OSBPL10: variants seen among roughly 807,000 people sequenced by gnomAD.
OSBPL10 encodes the protein oxysterol binding protein like 10, also known as oxysterol-binding protein-related protein 10.
A neutral mutation model predicts 81.7 loss-of-function variants in OSBPL10; 49 were observed. The observed-to-expected ratio is 0.60, with a 90% confidence interval of 0.48 to 0.76. The LOEUF is 0.76. Ranked by LOEUF, OSBPL10 falls within the 30% of genes least tolerant of loss-of-function variation. The pLI, the probability that OSBPL10 is intolerant of heterozygous loss-of-function variation, is 0.00. For synonymous variants in OSBPL10, 419 were observed against 383.6 expected (o/e 1.09, Z -1.08); for missense variants, 923 against 987.8 (o/e 0.93, Z 0.88).
At chr3:31,667,631 C>T (rs916615999) in intron 10 of OSBPL10, among the ~76,000 whole-genome samples, 14 of 152,178 alleles carry the variant, frequency 9.2e-5, no homozygotes, top group African/African-American at 3.1e-4. Context: ...TAGATTAGAG[C>T]AGCAGTTGGC....
chr3:31,799,840 C>A (rs1699333531), intron 4 of OSBPL10, among the ~76,000 whole-genome samples: 1 of 152,078 alleles, frequency 6.6e-6, no homozygotes, highest in Non-Finnish European at 1.5e-5. Flanking sequence ...GCCTCCTGAG[C>A]TGGGACTACA....
intron 6 of OSBPL10, among the ~76,000 whole-genome samples, chr3:31,726,468 C>T (rs1696811749): frequency 6.6e-6 from 1 of 152,016 alleles, no homozygotes; most frequent in Non-Finnish European, 1.5e-5. Flanking sequence ...AGGCACCCAC[C>T]ACCATGCCCA....
chr3:31,857,874 GA>G (rs1700965076), intron 3 of OSBPL10, among the ~76,000 whole-genome samples: 5 of 137,356 alleles, frequency 3.6e-5, no homozygotes, highest in South Asian at 2.9e-4. Context: ...GAGGGAGAGG[GA>G]AAGGGGGGGA....
At chr3:31,936,429 A>C (rs934383164) in intron 1 of OSBPL10, among the ~76,000 whole-genome samples, 3 of 152,246 alleles carry the variant, frequency 2.0e-5, no homozygotes, top group Admixed American at 2.0e-4. Flanking sequence ...ATAAATGTGC[A>C]TATTTATAGG....
chr3:31,679,732 T>G (rs1700586998), intron 8 of OSBPL10, among the ~76,000 whole-genome samples: 1 of 152,174 alleles, frequency 6.6e-6, no homozygotes, highest in African/African-American at 2.4e-5. Context: ...CCAATTTTTG[T>G]TTTTAAGAAA....
intron 4 of OSBPL10, among the ~76,000 whole-genome samples, chr3:31,817,028 C>T (rs554823816): frequency 3.3e-5 from 5 of 152,320 alleles, no homozygotes; most frequent in East Asian, 1.9e-4. Flanking sequence ...CTGCCCACTT[C>T]GTCCTCTGGC....
intron 1 of OSBPL10, among the ~76,000 whole-genome samples, chr3:31,930,003 C>CAAACAAACAAAAA (rs1306473764): frequency 2.5e-4 from 18 of 72,514 alleles, no homozygotes; most frequent in Non-Finnish European, 3.6e-4. Context: ...TGTCACCAAC[C>CAAACAAACAAAAA]AAAAAAAAAA....
intron 1 of OSBPL10, among the ~76,000 whole-genome samples, chr3:31,912,203 G>A (rs920767994): frequency 6.6e-6 from 1 of 152,168 alleles, no homozygotes; most frequent in Non-Finnish European, 1.5e-5. Flanking sequence ...AGACCAGCCT[G>A]GCTAACACGG....
chr3:31,878,623 C>T (rs1193868003), intron 2 of OSBPL10, among the ~76,000 whole-genome samples: 1 of 152,074 alleles, frequency 6.6e-6, no homozygotes, highest in Non-Finnish European at 1.5e-5. Flanking sequence ...GGAATGTAGT[C>T]CCTCAGTCTG....
At chr3:31,767,040 C>G (rs1028152960) in intron 4 of OSBPL10, among the ~76,000 whole-genome samples, 4 of 152,204 alleles carry the variant, frequency 2.6e-5, no homozygotes, top group Non-Finnish European at 5.9e-5. Context: ...TAGCCTTTCC[C>G]TGGTGATTCC....
intron 1 of OSBPL10, among the ~76,000 whole-genome samples, chr3:31,966,756 T>C (rs951342606): frequency 6.6e-6 from 1 of 151,620 alleles, no homozygotes; most frequent in Non-Finnish European, 1.5e-5. Flanking sequence ...AACAACCTGA[T>C]TGAAATCCAA....
chr3:31,795,753 T>C (rs774592040), intron 4 of OSBPL10: 12 of 230,264 alleles, frequency 5.2e-5, no homozygotes, highest in Non-Finnish European at 9.7e-5. Context: ...AACTTCATAC[T>C]GGAGAAAGAC....
At chr3:31,752,464 C>A (rs1049652151) in intron 4 of OSBPL10, among the ~76,000 whole-genome samples, 1 of 152,092 alleles carries the variant, frequency 6.6e-6, no homozygotes, top group African/African-American at 2.4e-5. Context: ...AGAGATGAAA[C>A]GTAGGTCAAG....
chr3:31,927,224 A>C (rs562314066), intron 1 of OSBPL10, among the ~76,000 whole-genome samples: 1 of 152,338 alleles, frequency 6.6e-6, no homozygotes, highest in South Asian at 2.1e-4. Context: ...TTCATTACAA[A>C]AGTTGAATCT....
At chr3:31,879,547 C>G (rs1701566173) in intron 2 of OSBPL10, 108 bp downstream of exon 2, 1 of 1,207,278 alleles carries the variant, frequency 8.3e-7, no homozygotes, top group African/African-American at 1.5e-5. Flanking sequence ...CCTCCAAACA[C>G]AGCAAACTGT....
At chr3:32,030,337 G>A (rs961989692) in intron 2 of OSBPL10, 15 of 498,418 alleles carry the variant, frequency 3.0e-5, no homozygotes, top group African/African-American at 1.2e-4. Flanking sequence ...AATGGGCGCC[G>A]TTCAAAAAGG....
rs1700121888 is a variant in OSBPL10 at position 31,663,905 on chromosome 3, A to G, written c.2250+174T>C. The stretch of plus-strand genomic sequence containing the variant: ...GAAGGTTTCATGAATATTGTGGCAG[A>G]AAACCTGTCCTGAAGCCTTGTCCAA... On this transcript the variant is annotated intron_variant, in intron 11 of 11. Coordinates refer to ENST00000396556, the MANE Select transcript of OSBPL10 (RefSeq NM_017784.5). 7.4e-6 allele frequency: 11 copies of G among 1,493,678 alleles called. No individual in the cohort carries two copies. In the Admixed American group the frequency reaches 2.5e-4, roughly 34 times the overall value. The allele number at this position is 1,493,678 out of a possible 1,614,324, so 92.5% of individuals were successfully genotyped here. A position where few individuals can be genotyped will look rare whatever the true frequency, so the allele number is the denominator to read the frequency against.
upstream of OSBPL10, among the ~76,000 whole-genome samples, chr3:31,984,455 A>G (rs1698905739): frequency 6.6e-6 from 1 of 151,930 alleles, no homozygotes; most frequent in African/African-American, 2.4e-5. Context: ...GTCTTCTTGC[A>G]CTGAGTCAGT....
At chr3:31,773,889 C>A (rs537976028) in intron 4 of OSBPL10, among the ~76,000 whole-genome samples, 8 of 152,250 alleles carry the variant, frequency 5.3e-5, no homozygotes, top group Admixed American at 2.0e-4. Flanking sequence ...AAAGGCCAGG[C>A]GTGGTGGCTC....
Sources: allele counts gnomAD v4.1 joint callset (sites outside exome capture counted in the v4.1 genomes callset), GRCh38; gene constraint gnomAD v4.1.1; transcripts MANE v1.5; gene names NCBI Gene and HGNC (gene_info 2026-07-23, HGNC 2026-07-21).